CAST: variants seen among roughly 807,000 people sequenced by gnomAD.
The protein encoded by CAST is MIR583 host.
Under a neutral mutation model 119.6 loss-of-function variants are expected in CAST, and 76 were observed. The ratio of observed to expected loss-of-function variants is 0.64; its 90% CI spans 0.53 to 0.77. The LOEUF is 0.77. Ranked by LOEUF, CAST falls within the 30% of genes least tolerant of loss-of-function variation. The probability of loss-of-function intolerance (pLI) is 0.00; values close to 1 mark genes in which losing one functional copy is unlikely to be tolerated. For synonymous variants in CAST, 319 were observed against 331.6 expected (o/e 0.96, Z 0.41); for missense variants, 953 against 946.5 (o/e 1.01, Z -0.09).
chr5:95,990,438 G>T, the CAST span, among the ~76,000 whole-genome samples: 3 of 151,750 alleles, frequency 2.0e-5, no homozygotes, highest in African/African-American at 7.3e-5. Context: ...CAATAATAAG[G>T]TTTGTTTTTA....
intron 1 of CAST, among the ~76,000 whole-genome samples, chr5:96,609,014 A>G (rs544176579): frequency 3.9e-5 from 6 of 152,330 alleles, no homozygotes; most frequent in African/African-American, 1.4e-4. Flanking sequence ...ACACAAATCC[A>G]AACCATATTA....
the CAST span, among the ~76,000 whole-genome samples, chr5:96,279,020 A>T: frequency 6.6e-6 from 1 of 152,246 alleles, no homozygotes; most frequent in African/African-American, 2.4e-5. Flanking sequence ...AGAAGGATGG[A>T]TGATACTCAT....
chr5:96,557,560 T>C (rs1224394260), intron 1 of CAST, among the ~76,000 whole-genome samples: 3 of 152,148 alleles, frequency 2.0e-5, no homozygotes, highest in Non-Finnish European at 2.9e-5. Flanking sequence ...GTTGCAATCC[T>C]AGTCTCTGAT....
At chr5:95,961,487 G>A in the CAST span, 2 of 1,344,004 alleles carry the variant, frequency 1.5e-6, no homozygotes, top group Non-Finnish European at 1.9e-6. Context: ...GCCAGCCACG[G>A]CTCCGCCGGC....
At chr5:96,743,738 CA>C (rs1369442444) in intron 16 of CAST, 7 of 1,591,786 alleles carry the variant, frequency 4.4e-6, no homozygotes, top group Admixed American at 1.7e-5. Context: ...TCGTATCTTC[CA>C]GGACCAAGTA....
At chr5:96,725,145 G>A (rs1248989619) in intron 4 of CAST, among the ~76,000 whole-genome samples, 1 of 152,172 alleles carries the variant, frequency 6.6e-6, no homozygotes, top group Non-Finnish European at 1.5e-5. Flanking sequence ...AAAATAAGAT[G>A]CACGTAATGA....
At chr5:96,608,902 A>G (rs1288101517) in intron 1 of CAST, among the ~76,000 whole-genome samples, 1 of 152,152 alleles carries the variant, frequency 6.6e-6, no homozygotes, top group Non-Finnish European at 1.5e-5. Context: ...CTATCACAAG[A>G]ACAGCAAAGG....
At chr5:96,455,900 T>C in the CAST span, among the ~76,000 whole-genome samples, 1 of 152,248 alleles carries the variant, frequency 6.6e-6, no homozygotes, top group African/African-American at 2.4e-5. Flanking sequence ...TGATGGCAAA[T>C]GCTGCATCTA....
chr5:96,700,944 T>C (rs1390538760), intron 3 of CAST, among the ~76,000 whole-genome samples: 2 of 152,090 alleles, frequency 1.3e-5, no homozygotes, highest in African/African-American at 4.8e-5. Flanking sequence ...TTTTTTTTTT[T>C]TTGAGACAGG....
At chr5:96,514,285 G>A in the CAST span, among the ~76,000 whole-genome samples, 1 of 152,082 alleles carries the variant, frequency 6.6e-6, no homozygotes, top group Non-Finnish European at 1.5e-5. Context: ...AATTAAGTAC[G>A]TGGTTCACAG....
chr5:96,738,406 G>T (rs1183040308), intron 11 of CAST, among the ~76,000 whole-genome samples: 1 of 152,140 alleles, frequency 6.6e-6, no homozygotes, highest in African/African-American at 2.4e-5. Flanking sequence ...CTAAAAATTA[G>T]TATCGGGGAT....
At chr5:96,474,067 G>T in the CAST span, among the ~76,000 whole-genome samples, 6 of 152,244 alleles carry the variant, frequency 3.9e-5, no homozygotes, top group East Asian at 1.2e-3. Context: ...GGAGGAAAGC[G>T]GGGGAAATCC....
At chr5:96,163,853 C>A in the CAST span, among the ~76,000 whole-genome samples, 1 of 152,226 alleles carries the variant, frequency 6.6e-6, no homozygotes, top group Non-Finnish European at 1.5e-5. Context: ...GTAACATGAA[C>A]AACATGGTCA....
At chr5:96,362,366 G>T in the CAST span, among the ~76,000 whole-genome samples, 4 of 152,174 alleles carry the variant, frequency 2.6e-5, 1 homozygote, top group South Asian at 8.3e-4. Context: ...GGATGGCTGG[G>T]TCAAATGGTA....
chr5:96,750,550 T>C (rs773979917), intron 19 of CAST, 37 bp from the exon 20 acceptor site: 2 of 1,359,862 alleles, frequency 1.5e-6, no homozygotes, highest in African/African-American at 1.4e-5. Flanking sequence ...AACCAAATAT[T>C]TCTAAACTTA....
the CAST span, among the ~76,000 whole-genome samples, chr5:96,443,339 A>G: frequency 6.6e-6 from 1 of 152,208 alleles, no homozygotes; most frequent in Non-Finnish European, 1.5e-5. Flanking sequence ...TTACAATCCA[A>G]TAAAATTTAT....
At chr5:96,621,504 T>C (rs1747602448) in intron 1 of CAST, among the ~76,000 whole-genome samples, 1 of 152,120 alleles carries the variant, frequency 6.6e-6, no homozygotes. Context: ...CAGGCATGTC[T>C]CATATCGCAG....
At chr5:95,985,818 TA>T in the CAST span, among the ~76,000 whole-genome samples, 1 of 152,204 alleles carries the variant, frequency 6.6e-6, no homozygotes, top group African/African-American at 2.4e-5. Flanking sequence ...AAAACTGGCC[TA>T]GGGGTTGGGA....
chr5:96,650,646 C>G (rs1026960160), intron 1 of CAST, among the ~76,000 whole-genome samples: 2 of 151,986 alleles, frequency 1.3e-5, no homozygotes, highest in African/African-American at 4.8e-5. Flanking sequence ...ATTTGCAGCT[C>G]TCCCCTTCAC....
Sources: allele counts gnomAD v4.1 joint callset (sites outside exome capture counted in the v4.1 genomes callset), GRCh38; gene constraint gnomAD v4.1.1; transcripts MANE v1.5; gene names NCBI Gene and HGNC (gene_info 2026-07-23, HGNC 2026-07-21).